The following GMDS variants were observed in gnomAD, a reference collection of about 807,000 sequenced individuals.
GMDS encodes the protein GDP-mannose 4,6 dehydratase.
A neutral mutation model predicts 49.9 loss-of-function variants in GMDS; 20 were observed. The observed-to-expected ratio is 0.40, with a 90% CI of 0.28 to 0.58. The LOEUF is 0.58. Among genes scored for constraint, GMDS ranks in the 20% least tolerant of loss-of-function variants. GMDS has a pLI of 0.42. For missense variants in GMDS, 362 were observed against 481.4 expected, an observed-to-expected ratio of 0.75 and a Z score of 2.32; for synonymous variants, 177 against 178.6, an observed-to-expected ratio of 0.99 and a Z score of 0.07.
chr6:1,825,426 C>G (rs1053815167), intron 7 of GMDS, among the ~76,000 whole-genome samples: 2 of 152,160 alleles, frequency 1.3e-5, no homozygotes, highest in African/African-American at 4.8e-5. Flanking sequence ...TGAATAAATA[C>G]TGCCAGTCTA....
intron 2 of GMDS, among the ~76,000 whole-genome samples, chr6:2,120,163 T>C (rs1207331741): frequency 6.6e-6 from 1 of 152,202 alleles, no homozygotes; most frequent in African/African-American, 2.4e-5. Context: ...CCGTTCTCTG[T>C]ATGTATCAAA....
intron 6 of GMDS, among the ~76,000 whole-genome samples, chr6:1,955,083 G>A (rs927007850): frequency 6.6e-6 from 1 of 151,876 alleles, no homozygotes; most frequent in Admixed American, 6.6e-5. Flanking sequence ...GTGAACACCT[G>A]AAAAAATAGT....
chr6:1,697,765 A>G (rs775451986), intron 9 of GMDS, among the ~76,000 whole-genome samples: 54 of 152,350 alleles, frequency 3.5e-4, no homozygotes, highest in Non-Finnish European at 6.2e-4. Flanking sequence ...GGTCCAGACC[A>G]TAAGTAGAAG....
intron 7 of GMDS, among the ~76,000 whole-genome samples, chr6:1,762,649 G>A (rs987229234): frequency 2.0e-5 from 3 of 152,226 alleles, no homozygotes; most frequent in Non-Finnish European, 4.4e-5. Flanking sequence ...TGGTGTTTAC[G>A]AAAAGGCAGA....
At chr6:2,127,042 C>T (rs1463417328) in intron 1 of GMDS, among the ~76,000 whole-genome samples, 1 of 152,156 alleles carries the variant, frequency 6.6e-6, no homozygotes, top group African/African-American at 2.4e-5. Flanking sequence ...CCCATTCTTA[C>T]AATTCTTACC....
rs144290450 is a variant in GMDS, at chr6:1,735,988, G to A, written c.890+6480C>T. On this transcript the variant is annotated intron_variant, in intron 8 of 10. Coordinates refer to ENST00000380815, the MANE Select transcript of GMDS (RefSeq NM_001500.4). ...TTATAGAGCACCTAAGAGGTGTGAG[G>A]TGCTGTGCCAGCTGTTTAGGTACTT... Among the ~76,000 whole-genome samples the A allele has an allele frequency of 2.8e-3, 423 of 152,262 alleles. 1 individual carries two copies. The highest frequency in any genetic ancestry group is 4.6e-3 in the Non-Finnish European group (316 of 68,018).
chr6:1,958,779 G>A (rs1028576151), intron 6 of GMDS, among the ~76,000 whole-genome samples: 3 of 152,106 alleles, frequency 2.0e-5, no homozygotes, highest in African/African-American at 4.8e-5. Flanking sequence ...TATAACATTG[G>A]ACTTCACGTT....
chr6:2,021,675 G>A (rs559684786), intron 4 of GMDS, among the ~76,000 whole-genome samples: 22 of 152,266 alleles, frequency 1.4e-4, no homozygotes, highest in South Asian at 1.0e-3. Context: ...GCAGCATCTT[G>A]GACAGGTAAA....
intron 4 of GMDS, among the ~76,000 whole-genome samples, chr6:2,077,247 T>A (rs1323296772): frequency 6.6e-6 from 1 of 152,194 alleles, no homozygotes; most frequent in Non-Finnish European, 1.5e-5. Context: ...ACAGTCTGAC[T>A]TCCTTTCTAC....
intron 7 of GMDS, among the ~76,000 whole-genome samples, chr6:1,888,413 A>T (rs1387528694): frequency 6.6e-6 from 1 of 152,116 alleles, no homozygotes; most frequent in Non-Finnish European, 1.5e-5. Context: ...ATGACCAGAC[A>T]CTTATAAAAC....
At chr6:1,771,903 CAT>C (rs1768589168) in intron 7 of GMDS, among the ~76,000 whole-genome samples, 1 of 152,116 alleles carries the variant, frequency 6.6e-6, no homozygotes, top group Admixed American at 6.5e-5. Context: ...GAAACACGAA[CAT>C]ATATCTAGGA....
chr6:2,223,371 A>T (rs1041143861), intron 1 of GMDS, among the ~76,000 whole-genome samples: 2 of 152,006 alleles, frequency 1.3e-5, no homozygotes, highest in Non-Finnish European at 2.9e-5. Flanking sequence ...CACTCCCCCC[A>T]GGGCAAGAGA....
At chr6:2,151,636 C>A (rs971477582) in intron 1 of GMDS, among the ~76,000 whole-genome samples, 1 of 152,022 alleles carries the variant, frequency 6.6e-6, no homozygotes, top group African/African-American at 2.4e-5. Flanking sequence ...ATTTACTAAG[C>A]CTTGCTATTA....
chr6:2,063,140 A>T (rs1771292197), intron 4 of GMDS, among the ~76,000 whole-genome samples: 1 of 152,244 alleles, frequency 6.6e-6, no homozygotes, highest in Non-Finnish European at 1.5e-5. Flanking sequence ...ACAGTGCCTG[A>T]AACTTTAAAG....
chr6:2,243,980 A>G (rs1276471211), intron 1 of GMDS, among the ~76,000 whole-genome samples: 1 of 147,956 alleles, frequency 6.8e-6, no homozygotes, highest in African/African-American at 2.5e-5. Flanking sequence ...CTCCTGCCTC[A>G]GCCTCCTGAG....
chr6:2,135,555 C>CTTTTTTTT (rs1276419101), intron 1 of GMDS, among the ~76,000 whole-genome samples: 2 of 152,028 alleles, frequency 1.3e-5, no homozygotes, highest in Non-Finnish European at 2.9e-5. Flanking sequence ...ATTTGAGTTT[C>CTTTTTTTT]TATAATCTAG....
chr6:2,104,993 T>G lies in GMDS; in HGVS notation c.345+10778A>C, dbSNP rs566090297. Among the ~76,000 whole-genome samples, 5 of 151,868 alleles carry G rather than the reference T, an allele frequency of 3.3e-5. No homozygotes were observed. The East Asian group carries it at 9.7e-4, about 30-fold the overall frequency. On this transcript the variant is annotated intron_variant, in intron 4 of 10. Transcript: ENST00000380815. Reference sequence around the variant, plus strand: ...GTCAGGAGATCGAGACCATCCTGGCTAACATGGTGAAACCCCGTCTCTACC... The same window carrying G: ...GTCAGGAGATCGAGACCATCCTGGCGAACATGGTGAAACCCCGTCTCTACC...
chr6:1,777,774 T>C (rs551313066), intron 7 of GMDS, among the ~76,000 whole-genome samples: 1 of 152,360 alleles, frequency 6.6e-6, no homozygotes, highest in Non-Finnish European at 1.5e-5. Context: ...GGGTATAAAG[T>C]ACCTTCTCCA....
At chr6:1,964,950 C>T (rs1371025722) in intron 4 of GMDS, among the ~76,000 whole-genome samples, 1 of 152,064 alleles carries the variant, frequency 6.6e-6, no homozygotes, top group Non-Finnish European at 1.5e-5. Context: ...TAATAGTTTG[C>T]TGAGAATGAT....
Sources: gnomAD v4.1 joint callset for allele counts (sites outside exome capture counted in the v4.1 genomes callset) on GRCh38, gnomAD v4.1.1 for gene constraint, MANE v1.5 for transcripts, NCBI Gene and HGNC (gene_info 2026-07-23, HGNC 2026-07-21) for gene names.